The following RCAN2 variants were observed in gnomAD, a reference collection of about 807,000 sequenced individuals.
RCAN2 encodes the protein calcipressin-2.
In RCAN2, 9 loss-of-function variants were observed where a neutral mutation model predicts 23.6. The ratio of observed to expected loss-of-function variants is 0.38; its 90% CI spans 0.23 to 0.67. The LOEUF (loss-of-function observed/expected upper bound fraction) is 0.67. Ranked by LOEUF, RCAN2 falls within the 30% of genes least tolerant of loss-of-function variation. The pLI is 0.51. For synonymous variants in RCAN2, 109 were observed against 115.7 expected (o/e 0.94, Z 0.37); for missense variants, 273 against 302.3 (o/e 0.90, Z 0.72).
At chr6:46,329,485 G>A (rs1480104288) in intron 2 of RCAN2, among the ~76,000 whole-genome samples, 1 of 152,120 alleles carries the variant, frequency 6.6e-6, no homozygotes, top group Admixed American at 6.5e-5. Flanking sequence ...ATTCCCAGGG[G>A]CTAGAAGGAT....
At chr6:46,367,171 C>G (rs1049530190) in intron 2 of RCAN2, among the ~76,000 whole-genome samples, 1 of 150,716 alleles carries the variant, frequency 6.6e-6, no homozygotes, top group Non-Finnish European at 1.5e-5. Context: ...ACCATCTCAA[C>G]ATGTAAATTA....
At chr6:46,457,773 A>C (rs141382006) in intron 1 of RCAN2, among the ~76,000 whole-genome samples, 1 of 152,296 alleles carries the variant, frequency 6.6e-6, no homozygotes, top group African/African-American at 2.4e-5. Context: ...TGATCAATCC[A>C]TGGTGCACAG....
chr6:46,238,516 A>AGCAG (rs1225931995), intron 4 of RCAN2, among the ~76,000 whole-genome samples: 1 of 152,132 alleles, frequency 6.6e-6, no homozygotes, highest in East Asian at 1.9e-4. Flanking sequence ...TTTCACATTG[A>AGCAG]GCAGCACTGA....
intron 2 of RCAN2, among the ~76,000 whole-genome samples, chr6:46,274,228 G>T (rs1767614972): frequency 6.6e-6 from 1 of 152,140 alleles, no homozygotes; most frequent in Non-Finnish European, 1.5e-5. Flanking sequence ...AATGCTGTTT[G>T]CATTTGCAGA....
intron 2 of RCAN2, among the ~76,000 whole-genome samples, chr6:46,250,652 C>G (rs1055661102): frequency 1.4e-4 from 21 of 152,232 alleles, no homozygotes; most frequent in African/African-American, 4.6e-4. Flanking sequence ...GGCCAAAGTC[C>G]TTGTGACCCT....
intron 4 of RCAN2, among the ~76,000 whole-genome samples, chr6:46,229,675 C>T (rs1159971272): frequency 6.6e-6 from 1 of 152,074 alleles, no homozygotes; most frequent in Non-Finnish European, 1.5e-5. Context: ...TTTGTCTAAT[C>T]TTTTTTCAAG....
chr6:46,250,268 CATCTGTCTG>C (rs1766664754), intron 2 of RCAN2, among the ~76,000 whole-genome samples: 1 of 152,090 alleles, frequency 6.6e-6, no homozygotes, highest in South Asian at 2.1e-4. Flanking sequence ...ATGTTAATAC[CATCTGTCTG>C]ATCTGTCTGG....
chr6:46,444,937 C>T (rs1328343643), intron 2 of RCAN2, among the ~76,000 whole-genome samples: 1 of 152,068 alleles, frequency 6.6e-6, no homozygotes, highest in East Asian at 1.9e-4. Context: ...CCAGGTTCCA[C>T]ACTTGTCCTA....
chr6:46,417,727 A>G (rs974428824), intron 2 of RCAN2, among the ~76,000 whole-genome samples: 1 of 152,210 alleles, frequency 6.6e-6, no homozygotes, highest in African/African-American at 2.4e-5. Flanking sequence ...ATTTGGGGGT[A>G]GTGTATTTCA....
At chr6:46,387,458 T>C (rs1297141836) in intron 2 of RCAN2, among the ~76,000 whole-genome samples, 1 of 152,122 alleles carries the variant, frequency 6.6e-6, no homozygotes, top group Non-Finnish European at 1.5e-5. Flanking sequence ...GAACAGACAC[T>C]TCTCAAAAGA....
rs377628085 is a variant in RCAN2, at chr6:46,385,786, G to A, written c.225+70966C>T. On this transcript the variant is annotated intron_variant, in intron 2 of 4. Transcript: ENST00000371374. ...GCATGAGAATCGTTTGAACCTGGGA[G>A]GCAGAAGTTGCAGTGAGCCAAGATC... Among the ~76,000 whole-genome samples, 18 of 144,728 alleles carry A rather than the reference G, an allele frequency of 1.2e-4. No individual in the cohort carries two copies. In the East Asian group the frequency reaches 3.3e-3, roughly 26 times the overall value. 94.9% of individuals were successfully genotyped at this position (144,728 alleles called of 152,430 possible).
At chr6:46,448,757 A>C (rs1767788080) in intron 2 of RCAN2, among the ~76,000 whole-genome samples, 1 of 151,950 alleles carries the variant, frequency 6.6e-6, no homozygotes, top group Non-Finnish European at 1.5e-5. Context: ...AAACAGAAAA[A>C]GCATTTGACA....
At position 46,222,976 on chromosome 6, in the gene RCAN2, A is replaced by T; in HGVS notation, c.*165T>A. The stretch of plus-strand genomic sequence containing the variant: ...TTAATGGGTATGATATGATCAGGAG[A>T]CATATCACCTTTTCCTAGCCCTTTT... On this transcript the variant is annotated 3_prime_UTR_variant, in exon 5 of 5. Transcript: ENST00000371374. 1.5e-6 allele frequency: 1 copy of T among 675,972 alleles called. No homozygotes were observed. The highest frequency in any genetic ancestry group is 2.6e-6 in the Non-Finnish European group (1 of 387,626). The allele number at this position is 675,972 out of a possible 1,614,324, so 41.9% of individuals were successfully genotyped here. A position where few individuals can be genotyped will look rare whatever the true frequency, so the allele number is the denominator to read the frequency against.
At chr6:46,312,259 A>G (rs1763289793) in intron 2 of RCAN2, among the ~76,000 whole-genome samples, 1 of 152,338 alleles carries the variant, frequency 6.6e-6, no homozygotes, top group Non-Finnish European at 1.5e-5. Flanking sequence ...CGGGAGTTTT[A>G]GCCCCTATGA....
At position 46,223,260 on chromosome 6, in the gene RCAN2, T is replaced by A. The variant is rs760268134; in HGVS notation, c.613A>T (p.Ser205Cys). 6.2e-7 allele frequency: 1 copy of A among 1,613,942 alleles called. No individual in the cohort carries two copies. ...ELHAGTESTP[S>C]VVVHVCDSDI... ...CTGTCGCACACGTGCACGACGACAC[T>A]TGGGGTGGACTCAGTCCCTGCATGG... is the stretch of plus-strand genomic sequence containing the variant. The change falls in exon 5 of 5, where the codon AGT becomes TGT. Residue 205 changes from serine to cysteine, a missense_variant. Transcript: ENST00000371374.
intron 2 of RCAN2, among the ~76,000 whole-genome samples, chr6:46,296,066 CGTGTGTGTGTGTGTGT>C (rs60947209): frequency 7.2e-6 from 1 of 138,452 alleles, no homozygotes. Context: ...CCAATAGCTT[CGTGTGTGTGTGTGTGT>C]GTGTGTGTGT....
rs367912572 is a variant in RCAN2, at chr6:46,391,552, C to T, written c.225+65200G>A. ...AAAGTACACTGCCATTTGTTTTCTC[C>T]TTTAGTAGACAATTTGCTCTATGTT... On this transcript the variant is annotated intron_variant, in intron 2 of 4. Coordinates refer to ENST00000371374, the MANE Select transcript of RCAN2 (RefSeq NM_001251974.2). Among the ~76,000 whole-genome samples the T allele has an allele frequency of 1.1e-4, 17 of 152,230 alleles. No individual in the cohort carries two copies. The East Asian group carries it at 3.3e-3, about 29-fold the overall frequency.
chr6:46,368,566 T>G (rs1029594786), intron 2 of RCAN2, among the ~76,000 whole-genome samples: 7 of 152,212 alleles, frequency 4.6e-5, no homozygotes, highest in African/African-American at 2.4e-5. Context: ...ATGGTATAGC[T>G]TATTGCTCTA....
intron 2 of RCAN2, among the ~76,000 whole-genome samples, chr6:46,456,319 G>T (rs935822883): frequency 2.0e-5 from 3 of 152,166 alleles, no homozygotes; most frequent in African/African-American, 7.2e-5. Flanking sequence ...GTTTAAGAAG[G>T]CTTTTTTAGA....
Sources: allele counts gnomAD v4.1 joint callset (sites outside exome capture counted in the v4.1 genomes callset), GRCh38; gene constraint gnomAD v4.1.1; transcripts MANE v1.5; gene names NCBI Gene and HGNC (gene_info 2026-07-23, HGNC 2026-07-21).